MOV10: variants seen among roughly 807,000 people sequenced by gnomAD.
MOV10 encodes the protein RNA helicase MOV-10.
In MOV10, 39 loss-of-function variants were observed where a neutral mutation model predicts 108.4. The ratio of observed to expected loss-of-function variants is 0.36; its 90% CI spans 0.28 to 0.47. MOV10 has a LOEUF of 0.47. Among genes scored for constraint, MOV10 ranks in the 20% least tolerant of loss-of-function variants. The pLI is 1.00. For missense variants in MOV10, 952 were observed against 1,297.6 expected (o/e 0.73, Z 4.09); for synonymous variants, 490 against 523.1 (o/e 0.94, Z 0.86).
In MOV10 at chr1:112,692,979, T is replaced by C. The variant is rs1382521044; in HGVS notation, c.1140+50T>C. The C allele has an allele frequency of 1.9e-6, 3 of 1,539,732 alleles. No homozygotes were observed. In the East Asian group the frequency reaches 7.1e-5, roughly 36 times the overall value. On this transcript the variant is annotated intron_variant, in intron 7 of 20. Coordinates refer to ENST00000369645, the MANE Select transcript of MOV10 (RefSeq NM_001321324.2). ...GAGGGTGGGCTCAAGCCAGCCAAGC[T>C]AGAGGCTGTGGGCAGAACTATTCCT...
rs999718121 is a variant in MOV10 at position 112,675,418 on chromosome 1, A to T, written c.137+369A>T. On this transcript the variant is annotated intron_variant, in intron 2 of 20. Transcript: ENST00000369645. The surrounding 1 kb of genome is among the most constrained non-coding windows in gnomAD (Gnocchi z 4.7). ...GGAGGGGAGCCTCCAGAGGGGGCCC[A>T]GGCATCGCGGGAGCGCGGGTTAGAG... 2.0e-5 allele frequency among the ~76,000 whole-genome samples: 3 copies of T among 152,166 alleles called. No individual in the cohort carries two copies. The highest frequency in any genetic ancestry group is 4.8e-5 in the African/African-American group (2 of 41,444).
intron 14 of MOV10, 33 bp from the exon 15 acceptor site, chr1:112,697,961 C>T: frequency 6.3e-7 from 1 of 1,581,004 alleles, no homozygotes; most frequent in South Asian, 1.1e-5. Context: ...GAATCTGACC[C>T]TTGGTCTTGC....
At chr1:112,690,131 GCTCGTAT>G in intron 5 of MOV10, 33 bp downstream of exon 5, 3 of 1,605,092 alleles carry the variant, frequency 1.9e-6, no homozygotes, top group South Asian at 1.1e-5. Flanking sequence ...CCCTGGCTGG[GCTCGTAT>G]CTCAACCACA....
intron 2 of MOV10, among the ~76,000 whole-genome samples, chr1:112,679,801 T>C (rs1050870685): frequency 7.2e-5 from 11 of 152,124 alleles, no homozygotes; most frequent in Non-Finnish European, 1.2e-4. Context: ...ATTTAAAACA[T>C]TGAAAATTTC....
In MOV10 at chr1:112,699,917, G is replaced by A. The variant is rs751845178; in HGVS notation, c.2733G>A (p.Arg911=). Residue 911 remains arginine (R), a synonymous_variant, in exon 19 of 21, where the codon CGG becomes CGA. Transcript: ENST00000369645. ...NPKRFNVAVT[R]AKALLIIVGN... is the part of the protein sequence containing the mutation. ...AGAGGTTCAATGTAGCTGTGACCCG[G>A]GCCAAGGCCCTGCTCATCATCGTGG... 6.2e-7 allele frequency: 1 copy of A among 1,614,154 alleles called. No individual in the cohort carries two copies. Among genetic ancestry groups the A allele is most frequent in the Non-Finnish European group, 8.5e-7 (1 of 1,180,034 alleles).
intron 11 of MOV10, 105 bp from the exon 12 acceptor site, chr1:112,696,043 T>TA (rs71584764): frequency 0.23 from 185,463 of 792,368 alleles, 24,592 homozygotes; most frequent in East Asian, 0.56. Context: ...CCGTCTCAAT[T>TA]AAAAAAAATA....
intron 2 of MOV10, among the ~76,000 whole-genome samples, chr1:112,678,793 A>C (rs895948439): frequency 6.6e-6 from 1 of 151,968 alleles, no homozygotes; most frequent in Non-Finnish European, 1.5e-5. Context: ...AAACACAGAA[A>C]ATTTCAAAGT....
chr1:112,675,071 G>C lies in MOV10; in HGVS notation c.137+22G>C. 6.4e-7 allele frequency: 1 copy of C among 1,574,306 alleles called. No homozygotes were observed. The highest frequency in any genetic ancestry group is 8.6e-7 in the Non-Finnish European group (1 of 1,163,832). ...TCAGGTACGGGCCGGCCCACTCCCG[G>C]CCCCGAATCGCGGGCCCAGCTTGCT... On this transcript the variant is annotated intron_variant, in intron 2 of 20. Coordinates refer to ENST00000369645, the MANE Select transcript of MOV10 (RefSeq NM_001321324.2). This position sits in a 1 kb window ranked among gnomAD's most constrained non-coding sequence, Gnocchi z 4.7.
intron 2 of MOV10, among the ~76,000 whole-genome samples, chr1:112,679,330 G>A (rs1406499499): frequency 2.0e-5 from 3 of 152,114 alleles, no homozygotes; most frequent in Non-Finnish European, 2.9e-5. Context: ...AAGTGTGGTT[G>A]AGGATGTGTA....
At chr1:112,679,371 A>G (rs1197367962) in intron 2 of MOV10, among the ~76,000 whole-genome samples, 1 of 152,134 alleles carries the variant, frequency 6.6e-6, no homozygotes, top group Non-Finnish European at 1.5e-5. Flanking sequence ...AAATGGGATG[A>G]TAATAATTAC....
Position 112,694,359 on chromosome 1 carries a change from G to C in MOV10, c.1296-94G>C. ...AACTTGCATAGAGGTCTTGGAAAGA[G>C]GGGTTGGGACACTGGTTGGTGGAGA... On this transcript the variant is annotated intron_variant, in intron 8 of 20. Coordinates refer to ENST00000369645, the MANE Select transcript of MOV10 (RefSeq NM_001321324.2). This position sits in a 1 kb window ranked among gnomAD's most constrained non-coding sequence, Gnocchi z 4.1. 4.6e-6 allele frequency: 7 copies of C among 1,522,094 alleles called. No homozygotes were observed. The highest frequency in any genetic ancestry group is 6.3e-6 in the Non-Finnish European group (7 of 1,107,298). 94.3% of individuals were successfully genotyped at this position (1,522,094 alleles called of 1,614,324 possible).
In MOV10 at chr1:112,698,123, C is replaced by G; in HGVS notation, c.2316+12C>G. ...GCCTACCTCGACAGGTGAGGCTGAG[C>G]AGGGCAGGCCCCACCCCTGTACCCT... On this transcript the variant is annotated intron_variant, in intron 15 of 20. Transcript: ENST00000369645. 1 of 1,612,274 alleles carries G rather than the reference C, an allele frequency of 6.2e-7. No individual in the cohort carries two copies. Among genetic ancestry groups the G allele is most frequent in the Non-Finnish European group, 8.5e-7 (1 of 1,178,536 alleles).
intron 17 of MOV10, 119 bp from the exon 18 acceptor site, chr1:112,699,566 C>T: frequency 6.5e-7 from 1 of 1,530,094 alleles, no homozygotes; most frequent in Non-Finnish European, 8.8e-7. Context: ...CTGGTTCACT[C>T]ACTGATCTAC....
At chr1:112,698,926 C>T in intron 17 of MOV10, 137 bp downstream of exon 17, 1 of 745,850 alleles carries the variant, frequency 1.3e-6, no homozygotes, top group South Asian at 1.6e-5. Flanking sequence ...CGAGCTCTCC[C>T]TGAGCCTCTC....
chr1:112,700,417 G>T lies in MOV10; in HGVS notation c.2922G>T (p.Gly974=). ...GLSKLSPSTS[G]PHSHDYLPQE... is the part of the protein sequence containing the mutation. ...ACAGTGTACTTTCTCTCTTTCCAGGGCCCCACAGCCATGACTACCTCCCCC... is the reference window on the plus strand; with the variant it reads ...ACAGTGTACTTTCTCTCTTTCCAGGTCCCCACAGCCATGACTACCTCCCCC... The change falls in exon 21 of 21, where the codon GGG becomes GGT. Residue 974 remains glycine (G), a splice_region_variant and synonymous_variant. Transcript: ENST00000369645. 1 of 1,613,532 alleles carries T rather than the reference G, an allele frequency of 6.2e-7. No homozygotes were observed. Among genetic ancestry groups the T allele is most frequent in the Non-Finnish European group, 8.5e-7 (1 of 1,179,684 alleles).
rs774003637 is a variant in MOV10 at position 112,699,874 on chromosome 1, A to C, written c.2710-20A>C. ...CTCGGGGCTCTTCCCTCCCATGACC[A>C]CACCACTTCTTCCTTCCAGAGGTTC... On this transcript the variant is annotated intron_variant, in intron 18 of 20. Coordinates refer to ENST00000369645, the MANE Select transcript of MOV10 (RefSeq NM_001321324.2). 6.2e-7 allele frequency: 1 copy of C among 1,613,922 alleles called. No homozygotes were observed. The highest frequency in any genetic ancestry group is 8.5e-7 in the Non-Finnish European group (1 of 1,179,968).
intron 1 of MOV10, 52 bp downstream of exon 1, chr1:112,674,781 G>C (rs1672045876): frequency 1.2e-6 from 1 of 859,210 alleles, no homozygotes; most frequent in Non-Finnish European, 1.7e-6. Context: ...GAGCCCGCAG[G>C]ATCAGGGGTC....
rs1173071155 is a variant in MOV10 at position 112,699,706 on chromosome 1, C to A, written c.2605C>A (p.Gln869Lys). ...DLKVGSVEEF[Q>K]GQERSVILIS... ...CTAGGTGGGTTCAGTAGAAGAATTC[C>A]AAGGCCAAGAACGAAGCGTCATCCT... is the stretch of plus-strand genomic sequence containing the variant. Residue 869 changes from glutamine (Q) to lysine (K), a missense_variant, in exon 18 of 21, where the codon CAA becomes AAA. Physicochemically the swap from Gln to Lys is moderately conservative, Grantham distance 53 (BLOSUM62 1). Transcript: ENST00000369645. 6.2e-7 allele frequency: 1 copy of A among 1,614,212 alleles called. No homozygotes were observed. Among genetic ancestry groups the A allele is most frequent in the South Asian group, 1.1e-5 (1 of 91,092 alleles).
chr1:112,676,100 GA>G lies in MOV10; in HGVS notation c.137+1052del, dbSNP rs372014734. Among the ~76,000 whole-genome samples, 469 of 152,316 alleles carry G rather than the reference GA, an allele frequency of 3.1e-3. 4 individuals carry two copies. Among genetic ancestry groups the G allele is most frequent in the African/African-American group, 0.011 (441 of 41,584 alleles). ...TTCACTAATGGTTATCACATTTGGA[GA>G]GGGATATTAACAGGCTTGAACAACA... On this transcript the variant is annotated intron_variant, in intron 2 of 20. Coordinates refer to ENST00000369645, the MANE Select transcript of MOV10 (RefSeq NM_001321324.2).
Sources: allele counts gnomAD v4.1 joint callset (sites outside exome capture counted in the v4.1 genomes callset), GRCh38; gene constraint gnomAD v4.1.1; non-coding constraint Gnocchi (gnomAD v3.1); transcripts MANE v1.5; gene names NCBI Gene and HGNC (gene_info 2026-07-23, HGNC 2026-07-21).